The following MCTP2 variants were observed in gnomAD, a reference collection of about 807,000 sequenced individuals.
MCTP2 encodes the protein multiple C2 and transmembrane domain containing 2.
MCTP2 carries 132 observed loss-of-function variants against 111.6 expected under a neutral mutation model. The observed-to-expected ratio is 1.18, with a 90% CI of 1.03 to 1.37. The LOEUF (loss-of-function observed/expected upper bound fraction) is 1.37. Ranked by LOEUF, MCTP2 falls within the 40% of genes most tolerant of loss-of-function variation. The pLI is 0.00. For synonymous variants in MCTP2, 395 were observed against 387.7 expected (o/e 1.02, Z -0.22); for missense variants, 1,183 against 1,067.9 (o/e 1.11, Z -1.50).
At chr15:94,450,282 A>G (rs1233092623) in intron 19 of MCTP2, among the ~76,000 whole-genome samples, 1 of 152,242 alleles carries the variant, frequency 6.6e-6, no homozygotes, top group Admixed American at 6.5e-5. Flanking sequence ...CTCCAGAAAG[A>G]GTACAGATCT....
intron 7 of MCTP2, chr15:94,342,472 G>A (rs369653552): frequency 6.6e-6 from 1 of 152,014 alleles, no homozygotes; most frequent in Non-Finnish European, 1.5e-5. Flanking sequence ...GACTTTGTCA[G>A]AATGTCTGTC....
rs1461473304 is a variant in MCTP2, at chr15:94,231,569, T to C, written c.-161T>C. ...CCCGCCCCCGCCGCGTCAGGGTTGCTCCCTGCGCTTCCGAGTGGCGACTGC... is the reference window on the plus strand; with the variant it reads ...CCCGCCCCCGCCGCGTCAGGGTTGCCCCCTGCGCTTCCGAGTGGCGACTGC... On this transcript the variant is annotated 5_prime_UTR_variant, in exon 1 of 23. Transcript: ENST00000357742. 6.6e-6 allele frequency: 1 copy of C among 152,276 alleles called. No homozygotes were observed. Among genetic ancestry groups the C allele is most frequent in the Non-Finnish European group, 1.5e-5 (1 of 68,114 alleles). The allele number at this position is 152,276 out of a possible 1,614,324, so 9.4% of individuals were successfully genotyped here. A position where few individuals can be genotyped will look rare whatever the true frequency, so the allele number is the denominator to read the frequency against.
intron 20 of MCTP2, among the ~76,000 whole-genome samples, chr15:94,468,413 T>A (rs2073596597): frequency 6.7e-6 from 1 of 150,374 alleles, no homozygotes; most frequent in South Asian, 2.1e-4. Flanking sequence ...CCAAGTCAGT[T>A]TGCTTATAAA....
chr15:94,329,632 G>A (rs1335538090), intron 4 of MCTP2, among the ~76,000 whole-genome samples: 1 of 152,120 alleles, frequency 6.6e-6, no homozygotes, highest in African/African-American at 2.4e-5. Flanking sequence ...AGCCATTCAT[G>A]AGAAATCCAC....
chr15:94,468,627 A>G (rs968763196), intron 20 of MCTP2, among the ~76,000 whole-genome samples: 1 of 152,124 alleles, frequency 6.6e-6, no homozygotes, highest in Non-Finnish European at 1.5e-5. Flanking sequence ...AAGATTAAAA[A>G]CAATAACACT....
intron 1 of MCTP2, among the ~76,000 whole-genome samples, chr15:94,245,224 A>G (rs189580768): frequency 1.8e-3 from 255 of 144,342 alleles, no homozygotes; most frequent in Non-Finnish European, 3.1e-3. Flanking sequence ...ATGTGTATAT[A>G]TACATATGTA....
At chr15:94,349,682 TG>T (rs2078193273) in intron 8 of MCTP2, among the ~76,000 whole-genome samples, 1 of 151,710 alleles carries the variant, frequency 6.6e-6, no homozygotes, top group Non-Finnish European at 1.5e-5. Context: ...TAGCCGGGCG[TG>T]GTGGCATGCG....
intron 1 of MCTP2, among the ~76,000 whole-genome samples, chr15:94,240,586 C>G (rs898197765): frequency 1.7e-4 from 26 of 152,126 alleles, no homozygotes; most frequent in African/African-American, 5.6e-4. Flanking sequence ...GGCCTTAAAA[C>G]CACATCCATG....
intron 12 of MCTP2, among the ~76,000 whole-genome samples, chr15:94,372,154 C>T (rs865854863): frequency 8.5e-5 from 13 of 152,174 alleles, no homozygotes; most frequent in African/African-American, 2.4e-4. Context: ...ATTCCAATAA[C>T]GATAGCAGTA....
intron 21 of MCTP2, 151 bp from the exon 22 acceptor site, chr15:94,476,543 CCT>C (rs1207420067): frequency 1.6e-5 from 8 of 513,436 alleles, no homozygotes; most frequent in Non-Finnish European, 2.8e-5. Context: ...GTGAATATCC[CCT>C]CTCCCCCGAG....
intron 17 of MCTP2, among the ~76,000 whole-genome samples, chr15:94,435,629 C>CTTTTTTTTTT (rs202170550): frequency 3.4e-5 from 4 of 117,922 alleles, no homozygotes; most frequent in African/African-American, 6.3e-5. Flanking sequence ...TTTTTTTATT[C>CTTTTTTTTTT]TTTTTTTTTT....
At chr15:94,265,482 CACTT>C (rs1278952869) in intron 1 of MCTP2, among the ~76,000 whole-genome samples, 2 of 152,082 alleles carry the variant, frequency 1.3e-5, no homozygotes, top group Admixed American at 6.5e-5. Flanking sequence ...CATGTGTATG[CACTT>C]ACTTACTTGT....
chr15:94,279,428 G>C (rs1218004595), intron 1 of MCTP2, among the ~76,000 whole-genome samples: 1 of 151,560 alleles, frequency 6.6e-6, no homozygotes, highest in Non-Finnish European at 1.5e-5. Flanking sequence ...ATACATTACT[G>C]ATTTATAGAA....
chr15:94,307,134 C>T (rs2075920874), intron 2 of MCTP2, among the ~76,000 whole-genome samples: 1 of 152,110 alleles, frequency 6.6e-6, no homozygotes, highest in Non-Finnish European at 1.5e-5. Flanking sequence ...GATGCAGATC[C>T]AGACACTAGG....
chr15:94,399,828 A>C, intron 15 of MCTP2, 93 bp from the exon 16 acceptor site: 1 of 1,032,260 alleles, frequency 9.7e-7, no homozygotes. Context: ...GTCAGAAGCT[A>C]TTGGTCTGCA....
chr15:94,251,453 G>A (rs1346738983), intron 1 of MCTP2, among the ~76,000 whole-genome samples: 1 of 151,920 alleles, frequency 6.6e-6, no homozygotes, highest in Non-Finnish European at 1.5e-5. Context: ...CCACCTCCCG[G>A]GTTCAAGCAA....
chr15:94,274,204 A>G (rs1383627470), intron 1 of MCTP2, among the ~76,000 whole-genome samples: 1 of 152,186 alleles, frequency 6.6e-6, no homozygotes, highest in Non-Finnish European at 1.5e-5. Flanking sequence ...AAATCAGGAA[A>G]TATACTGAAC....
chr15:94,246,588 A>G (rs1276720269), intron 1 of MCTP2, among the ~76,000 whole-genome samples: 1 of 152,198 alleles, frequency 6.6e-6, no homozygotes, highest in African/African-American at 2.4e-5. Context: ...ATTGCTTCAT[A>G]TTTAAAAACT....
chr15:94,305,068 C>T (rs1409888849), intron 2 of MCTP2, among the ~76,000 whole-genome samples: 2 of 151,906 alleles, frequency 1.3e-5, no homozygotes, highest in Non-Finnish European at 2.9e-5. Context: ...GAATTGTGTC[C>T]CCCAGACCAA....
Sources: gnomAD v4.1 joint callset for allele counts (sites outside exome capture counted in the v4.1 genomes callset) on GRCh38, gnomAD v4.1.1 for gene constraint, MANE v1.5 for transcripts, NCBI Gene and HGNC (gene_info 2026-07-23, HGNC 2026-07-21) for gene names.